Variants in CXADR observed in about 807,000 individuals in gnomAD.
The protein encoded by CXADR is coxsackievirus and adenovirus receptor.
A neutral mutation model predicts 40.3 loss-of-function variants in CXADR; 20 were observed. The observed-to-expected ratio is 0.50, with a 90% confidence interval of 0.35 to 0.72. The LOEUF is 0.72. Ranked by LOEUF, CXADR falls within the 30% of genes least tolerant of loss-of-function variation. The pLI, the probability that CXADR is intolerant of heterozygous loss-of-function variation, is 0.01. For missense variants in CXADR, 332 were observed against 449.1 expected (o/e 0.74, Z 2.36); for synonymous variants, 150 against 161.3 (o/e 0.93, Z 0.53).
intron 4 of CXADR, 96 bp from the exon 5 acceptor site, chr21:17,560,605 AC>A: frequency 7.9e-7 from 1 of 1,261,242 alleles, no homozygotes; most frequent in Admixed American, 2.1e-5. Flanking sequence ...CTTGCTTTTA[AC>A]TGGATTGTTT....
downstream of CXADR, among the ~76,000 whole-genome samples, chr21:17,597,501 A>G (rs1243513098): frequency 6.6e-6 from 1 of 151,254 alleles, no homozygotes; most frequent in African/African-American, 2.4e-5. Context: ...TAAAAAAAAG[A>G]AAAAAAAACC....
At chr21:17,584,465 C>T (rs140554081) in intron 7 of CXADR, among the ~76,000 whole-genome samples, 8 of 152,302 alleles carry the variant, frequency 5.3e-5, no homozygotes, top group East Asian at 3.9e-4. Context: ...GTCTTGCAAA[C>T]GTTCAAATGG....
At chr21:17,523,608 G>A (rs2060558112) in intron 1 of CXADR, among the ~76,000 whole-genome samples, 1 of 152,070 alleles carries the variant, frequency 6.6e-6, no homozygotes, top group African/African-American at 2.4e-5. Context: ...AATTGAGGCT[G>A]GGAACTTTGG....
the CXADR span, chr21:17,599,135 T>G: frequency 3.8e-6 from 1 of 263,670 alleles, no homozygotes; most frequent in African/African-American, 2.2e-5. Context: ...GATTACATTT[T>G]TGTATGTACC....
At chr21:17,632,903 G>A in the CXADR span, among the ~76,000 whole-genome samples, 2 of 152,026 alleles carry the variant, frequency 1.3e-5, no homozygotes, top group East Asian at 1.9e-4. Context: ...AGAGAAGGGT[G>A]TGAAGGGTTT....
At chr21:17,601,846 A>G in the CXADR span, among the ~76,000 whole-genome samples, 1 of 152,220 alleles carries the variant, frequency 6.6e-6, no homozygotes, top group Non-Finnish European at 1.5e-5. Flanking sequence ...CCAAGGGCAA[A>G]TATCTAATGA....
downstream of CXADR, among the ~76,000 whole-genome samples, chr21:17,571,377 A>T (rs1345544232): frequency 6.6e-6 from 1 of 152,246 alleles, no homozygotes. Context: ...CAGACTTTCA[A>T]GGAATCGAGA....
chr21:17,539,355 T>C (rs2060798851), intron 1 of CXADR, among the ~76,000 whole-genome samples: 1 of 152,202 alleles, frequency 6.6e-6, no homozygotes, highest in African/African-American at 2.4e-5. Flanking sequence ...GGTTTGTGCT[T>C]TCCTTATTTT....
Position 17,551,775 on chromosome 21 carries a change from T to G in CXADR, c.237T>G (p.Ile79Met). Residue 79 changes from isoleucine to methionine, a missense_variant, in exon 3 of 7, where the codon ATT becomes ATG. Ile to Met is a conservative substitution (Grantham distance 10). Around this residue, in one of 3 missense-constraint regions of CXADR, gnomAD observed 162 missense variants for 198.5 expected, o/e 0.82. Coordinates refer to ENST00000284878, the MANE Select transcript of CXADR (RefSeq NM_001338.5). ...TTATTTTATATTCTGGAGACAAAAT[T>G]TATGATGACTACTATCCAGATCTGA... ...QVIILYSGDK[I>M]YDDYYPDLKG... 1 of 1,612,846 alleles carries G rather than the reference T, an allele frequency of 6.2e-7. No individual in the cohort carries two copies. Among genetic ancestry groups the G allele is most frequent in the African/African-American group, 1.3e-5 (1 of 75,006 alleles).
intron 1 of CXADR, among the ~76,000 whole-genome samples, chr21:17,536,168 G>A (rs8127821): frequency 5.9e-5 from 9 of 151,772 alleles, no homozygotes; most frequent in South Asian, 2.1e-4. Flanking sequence ...AGCTCTTTTC[G>A]TCTATAGAAT....
chr21:17,602,022 G>T, the CXADR span, among the ~76,000 whole-genome samples: 1 of 152,096 alleles, frequency 6.6e-6, no homozygotes, highest in Non-Finnish European at 1.5e-5. Context: ...AGGAGAATTA[G>T]TAGACACCTG....
At chr21:17,585,763 C>A (rs962661105) in intron 7 of CXADR, among the ~76,000 whole-genome samples, 4 of 152,174 alleles carry the variant, frequency 2.6e-5, no homozygotes, top group African/African-American at 9.7e-5. Flanking sequence ...CATGATCCGC[C>A]CGCCTTGGCC....
intron 1 of CXADR, among the ~76,000 whole-genome samples, chr21:17,519,565 A>G (rs2060502958): frequency 6.6e-6 from 1 of 151,918 alleles, no homozygotes; most frequent in Admixed American, 6.6e-5. Context: ...TCTCTTTGGA[A>G]CTCCTTGACA....
chr21:17,602,942 A>T, the CXADR span, among the ~76,000 whole-genome samples: 1 of 152,236 alleles, frequency 6.6e-6, no homozygotes, highest in Non-Finnish European at 1.5e-5. Context: ...TATTGAACGT[A>T]AACTATTTGA....
chr21:17,549,869 A>G (rs2060943485), intron 2 of CXADR, among the ~76,000 whole-genome samples: 1 of 152,206 alleles, frequency 6.6e-6, no homozygotes, highest in Non-Finnish European at 1.5e-5. Flanking sequence ...AAATTAATCA[A>G]AGGAAGATAG....
At chr21:17,612,941 C>G in the CXADR span, 1 of 152,004 alleles carries the variant, frequency 6.6e-6, no homozygotes, top group African/African-American at 2.4e-5. Context: ...GCTCGCGGCC[C>G]GGAAGAGGGG....
Position 17,528,631 on chromosome 21 carries a change from C to T in CXADR, c.43+15459C>T, listed in dbSNP as rs186388492. ...TCATGTTGGTCAGGCTGGTCTTGAA[C>T]TCCCGATCTCAGGTGATCCGCCCAC... On this transcript the variant is annotated intron_variant, in intron 1 of 6. Coordinates refer to ENST00000284878, the MANE Select transcript of CXADR (RefSeq NM_001338.5). 4.7e-5 allele frequency among the ~76,000 whole-genome samples: 7 copies of T among 149,612 alleles called. No homozygotes were observed. The East Asian group carries it at 1.4e-3, about 30-fold the overall frequency.
In CXADR at chr21:17,569,045, G is replaced by A; in HGVS notation, c.*3353G>A. 2 of 985,156 alleles carry A rather than the reference G, an allele frequency of 2.0e-6. No homozygotes were observed. Among genetic ancestry groups the A allele is most frequent in the Non-Finnish European group, 2.4e-6 (2 of 829,882 alleles). 61.0% of individuals were successfully genotyped at this position (985,156 alleles called of 1,614,324 possible). ...CTTGGAAATTTGGAACAAGTAAAGGGGCAAGTAAACCTTTTGATGAAATAT... is the reference window on the plus strand; with the variant it reads ...CTTGGAAATTTGGAACAAGTAAAGGAGCAAGTAAACCTTTTGATGAAATAT... On this transcript the variant is annotated 3_prime_UTR_variant, in exon 7 of 7. Coordinates refer to ENST00000284878, the MANE Select transcript of CXADR (RefSeq NM_001338.5).
At chr21:17,550,696 G>C (rs1025904439) in intron 2 of CXADR, among the ~76,000 whole-genome samples, 1 of 152,156 alleles carries the variant, frequency 6.6e-6, no homozygotes, top group African/African-American at 2.4e-5. Flanking sequence ...GTTAGAGATT[G>C]TTAGAGATGA....
Sources: allele counts gnomAD v4.1 joint callset (sites outside exome capture counted in the v4.1 genomes callset), GRCh38; gene constraint gnomAD v4.1.1; regional missense constraint gnomAD v4.1.1; transcripts MANE v1.5; gene names NCBI Gene and HGNC (gene_info 2026-07-23, HGNC 2026-07-21).